The following LOXL2 variants were observed in gnomAD, a reference collection of about 807,000 sequenced individuals.
The protein encoded by LOXL2 is lysyl oxidase like 2, also known as lysyl oxidase homolog 2.
LOXL2 carries 70 observed loss-of-function variants against 93.0 expected under a neutral mutation model. The observed-to-expected ratio is 0.75, with a 90% CI of 0.62 to 0.92. LOXL2 has a LOEUF of 0.92. Among genes scored for constraint, LOXL2 ranks in the 40% least tolerant of loss-of-function variants. The pLI, the probability that LOXL2 is intolerant of heterozygous loss-of-function variation, is 0.00. For synonymous variants in LOXL2, 438 were observed against 413.2 expected (o/e 1.06, Z -0.73); for missense variants, 973 against 1,054.9 (o/e 0.92, Z 1.08).
At chr8:23,314,885 T>C (rs1378729882) in intron 9 of LOXL2, among the ~76,000 whole-genome samples, 1 of 150,854 alleles carries the variant, frequency 6.6e-6, no homozygotes, top group Non-Finnish European at 1.5e-5. Context: ...AAAAAACAAG[T>C]AGCCTGTGCC....
intron 3 of LOXL2, among the ~76,000 whole-genome samples, chr8:23,347,177 AC>A (rs1163825539): frequency 3.8e-5 from 1 of 26,348 alleles, no homozygotes; most frequent in Non-Finnish European, 6.6e-5. Flanking sequence ...AAACACACAC[AC>A]ACACACACAC....
At chr8:23,345,780 C>CGA (rs1463311077) in intron 3 of LOXL2, among the ~76,000 whole-genome samples, 1 of 151,986 alleles carries the variant, frequency 6.6e-6, no homozygotes, top group African/African-American at 2.4e-5. Flanking sequence ...GTTTAAAATT[C>CGA]AGCCCCAGCC....
chr8:23,333,389 C>A lies in LOXL2; in HGVS notation c.966+12G>T, dbSNP rs536652125. ...AGGTGCCAAGTGGCCACACCTCGTG[C>A]CCCGTCCTCACCTCTGGCTTGTACG... is the stretch of plus-strand genomic sequence containing the variant. On this transcript the variant is annotated intron_variant, in intron 5 of 13. Coordinates refer to ENST00000389131, the MANE Select transcript of LOXL2 (RefSeq NM_002318.3). 2.8e-4 allele frequency: 457 copies of A among 1,612,542 alleles called. 2 individuals carry two copies. The South Asian group carries it at 4.6e-3, about 16-fold the overall frequency.
At chr8:23,333,995 G>T (rs1306385936) in intron 4 of LOXL2, among the ~76,000 whole-genome samples, 1 of 152,164 alleles carries the variant, frequency 6.6e-6, no homozygotes, top group Non-Finnish European at 1.5e-5. Context: ...ACAGTCGAAG[G>T]TAAACCATGT....
chr8:23,319,810 AG>A (rs1192027917), intron 8 of LOXL2, 74 bp downstream of exon 8: 14 of 1,480,608 alleles, frequency 9.5e-6, no homozygotes, highest in African/African-American at 1.4e-5. Context: ...TACGTGGGAG[AG>A]GGGGGCTGAC....
At chr8:23,341,559 G>T (rs1400376713) in intron 3 of LOXL2, 2 of 344,614 alleles carry the variant, frequency 5.8e-6, no homozygotes, top group Non-Finnish European at 1.1e-5. Context: ...TAAATGCACA[G>T]GAGAGAAAGT....
intron 1 of LOXL2, among the ~76,000 whole-genome samples, chr8:23,384,740 C>A (rs1284724299): frequency 6.6e-6 from 1 of 152,108 alleles, no homozygotes; most frequent in South Asian, 2.1e-4. Flanking sequence ...GTGGTGAAAC[C>A]CCATTGCTAC....
In LOXL2 at chr8:23,332,542, C is replaced by T. The variant is rs372584223; in HGVS notation, c.966+859G>A. 9.9e-5 allele frequency among the ~76,000 whole-genome samples: 9 copies of T among 90,532 alleles called. No homozygotes were observed. The East Asian group carries it at 3.5e-3, about 35-fold the overall frequency. 59.4% of individuals were successfully genotyped at this position (90,532 alleles called of 152,430 possible). A position where few individuals can be genotyped will look rare whatever the true frequency, so the allele number is the denominator to read the frequency against. The stretch of plus-strand genomic sequence containing the variant: ...CCTACACACACCCCCACTCATACAC[C>T]CCCACACACCCACACTCATACACAC... On this transcript the variant is annotated intron_variant, in intron 5 of 13. Coordinates refer to ENST00000389131, the MANE Select transcript of LOXL2 (RefSeq NM_002318.3).
intron 1 of LOXL2, among the ~76,000 whole-genome samples, chr8:23,373,568 GA>G (rs1446902227): frequency 6.6e-6 from 1 of 152,174 alleles, no homozygotes. Flanking sequence ...GAAAGCCAAT[GA>G]ATTGCCAAAG....
intron 2 of LOXL2, chr8:23,365,160 A>C (rs554562950): frequency 2.6e-5 from 4 of 152,488 alleles, no homozygotes; most frequent in Admixed American, 2.6e-4. Flanking sequence ...CCCTGGTTTC[A>C]CTGCTCCAGC....
chr8:23,377,288 C>T (rs1804608586), intron 1 of LOXL2, among the ~76,000 whole-genome samples: 1 of 152,154 alleles, frequency 6.6e-6, no homozygotes. Flanking sequence ...AGTTTGATTG[C>T]ACTGTGGTCT....
rs1035656387 is a variant in LOXL2 at position 23,301,940 on chromosome 8, C to T, written c.2133+87G>A. Reference sequence around the variant, plus strand: ...TTTAGACAGCCTGACTTCCATGCCCCTGTGTGGACACCAATGGGAAGGAGC... The same window carrying T: ...TTTAGACAGCCTGACTTCCATGCCCTTGTGTGGACACCAATGGGAAGGAGC... On this transcript the variant is annotated intron_variant, in intron 12 of 13. Coordinates refer to ENST00000389131, the MANE Select transcript of LOXL2 (RefSeq NM_002318.3). 2.0e-6 allele frequency: 3 copies of T among 1,531,364 alleles called. No individual in the cohort carries two copies. The African/African-American group carries it at 4.1e-5, about 21-fold the overall frequency. The allele number at this position is 1,531,364 out of a possible 1,614,324, so 94.9% of individuals were successfully genotyped here. A position where few individuals can be genotyped will look rare whatever the true frequency, so the allele number is the denominator to read the frequency against.
At chr8:23,346,158 AAAAAT>A (rs1322933532) in intron 3 of LOXL2, among the ~76,000 whole-genome samples, 3 of 138,098 alleles carry the variant, frequency 2.2e-5, no homozygotes, top group Non-Finnish European at 4.6e-5. Context: ...AAATAAAATA[AAAAAT>A]AAAATAAAAT....
In LOXL2 at chr8:23,360,145, C is replaced by G; in HGVS notation, c.476G>C (p.Ser159Thr). 6.2e-7 allele frequency: 1 copy of G among 1,613,850 alleles called. No individual in the cohort carries two copies. Among genetic ancestry groups the G allele is most frequent in the Non-Finnish European group, 8.5e-7 (1 of 1,179,738 alleles). The change falls in exon 3 of 14, where the codon AGC becomes ACC. Residue 159 changes from serine to threonine, a missense_variant. By Grantham distance (58) the Ser-to-Thr change is moderately conservative. Coordinates refer to ENST00000389131, the MANE Select transcript of LOXL2 (RefSeq NM_002318.3). ...TTTGAACCCAGGAATCCTTTTGTCG[C>G]TGCACACCACACCGACATCCTCCGT... ...KHTEDVGVVCSDKRIPGFKFD... is the reference protein window; with the variant it reads ...KHTEDVGVVCTDKRIPGFKFD...
intron 6 of LOXL2, among the ~76,000 whole-genome samples, chr8:23,324,779 G>T (rs1803550441): frequency 6.6e-6 from 1 of 152,214 alleles, no homozygotes; most frequent in South Asian, 2.1e-4. Context: ...CCAGGCCAAT[G>T]AGTGGGCTGA....
At chr8:23,303,087 G>A (rs754990835) in intron 11 of LOXL2, among the ~76,000 whole-genome samples, 195 bp downstream of exon 11, 18 of 152,010 alleles carry the variant, frequency 1.2e-4, no homozygotes, top group Non-Finnish European at 2.2e-4. Context: ...TGGGGAATCC[G>A]GGTGCCCTTG....
chr8:23,354,685 G>A (rs183819315), intron 3 of LOXL2, among the ~76,000 whole-genome samples: 23 of 152,026 alleles, frequency 1.5e-4, no homozygotes, highest in African/African-American at 5.3e-4. Context: ...TGTGGGATGA[G>A]TGCATTTTCC....
chr8:23,305,630 G>A (rs1803218188), intron 10 of LOXL2, among the ~76,000 whole-genome samples: 2 of 151,854 alleles, frequency 1.3e-5, no homozygotes, highest in African/African-American at 2.4e-5. Context: ...CTGAGCTGTC[G>A]TGACCCTTGG....
intron 3 of LOXL2, among the ~76,000 whole-genome samples, chr8:23,346,110 A>AT: frequency 5.0e-5 from 5 of 100,864 alleles, no homozygotes; most frequent in African/African-American, 2.5e-4. Flanking sequence ...ATAAAATAAA[A>AT]TAAAATTAAA....
Sources: allele counts gnomAD v4.1 joint callset (sites outside exome capture counted in the v4.1 genomes callset), GRCh38; gene constraint gnomAD v4.1.1; transcripts MANE v1.5; gene names NCBI Gene and HGNC (gene_info 2026-07-23, HGNC 2026-07-21).